SH3KBP1: variants seen among roughly 807,000 people sequenced by gnomAD.
SH3KBP1 encodes the protein SH3 domain containing kinase binding protein 1.
SH3KBP1 carries 8 observed loss-of-function variants against 50.1 expected under a neutral mutation model. The ratio of observed to expected loss-of-function variants is 0.16; its 90% CI spans 0.09 to 0.29. The LOEUF (loss-of-function observed/expected upper bound fraction) is 0.29, where lower values mean the gene tolerates loss of function less well. Among genes scored for constraint, SH3KBP1 ranks in the 10% least tolerant of loss-of-function variants. The pLI, the probability that SH3KBP1 is intolerant of heterozygous loss-of-function variation, is 1.00. For missense variants in SH3KBP1, 377 were observed against 535.2 expected, an observed-to-expected ratio of 0.70 and a Z score of 2.92; for synonymous variants, 227 against 218.6, an observed-to-expected ratio of 1.04 and a Z score of -0.34.
At chrX:19,550,108 A>G in intron 13 of SH3KBP1, 25 bp from the exon 14 acceptor site, 1 of 1,039,449 alleles carries the variant, frequency 9.6e-7, no homozygotes, top group Non-Finnish European at 1.3e-6. Flanking sequence ...AAACAGTTTT[A>G]AGAGCCAAAA....
intron 2 of SH3KBP1, among the ~76,000 whole-genome samples, chrX:19,785,058 T>A (rs1007746867): frequency 3.6e-5 from 4 of 110,639 alleles, no homozygotes; most frequent in African/African-American, 1.3e-4. Flanking sequence ...ATACACAGTA[T>A]CCACCCAGTG....
chrX:19,567,611 CTG>C (rs1302599237), intron 13 of SH3KBP1, among the ~76,000 whole-genome samples: 5 of 77,376 alleles, frequency 6.5e-5, no homozygotes, highest in South Asian at 8.1e-4. Flanking sequence ...ACTAGTAAAA[CTG>C]TGAAAATCTG....
At chrX:19,594,840 A>C in intron 10 of SH3KBP1, 109 bp downstream of exon 10, 1 of 582,049 alleles carries the variant, frequency 1.7e-6, no homozygotes, top group South Asian at 2.8e-5. Context: ...CCAAGTAGTC[A>C]ATCTATGGCA....
chrX:19,536,394 G>A lies in SH3KBP1; in HGVS notation c.*23C>T, dbSNP rs1569256761. 2 of 1,079,794 alleles carry A rather than the reference G, an allele frequency of 1.9e-6. No individual in the cohort carries two copies. Among genetic ancestry groups the A allele is most frequent in the East Asian group, 6.2e-5 (2 of 32,286 alleles). 89.0% of individuals were successfully genotyped at this position (1,079,794 alleles called of 1,213,427 possible). On this transcript the variant is annotated 3_prime_UTR_variant, in exon 18 of 18. Transcript: ENST00000397821. ...GAGTCTCGGACTCAGGATGAATAAT[G>A]TGACATTTCATTGATCAAGTATTCA...
At chrX:19,873,060 A>AAG (rs1385903718) in intron 1 of SH3KBP1, among the ~76,000 whole-genome samples, 1 of 108,575 alleles carries the variant, frequency 9.2e-6, no homozygotes, top group Non-Finnish European at 1.9e-5. Context: ...ATGGATATAA[A>AAG]ATGCCACACT....
intron 6 of SH3KBP1, among the ~76,000 whole-genome samples, chrX:19,668,963 TATA>T (rs1569404948): frequency 1.5e-4 from 8 of 53,873 alleles, no homozygotes; most frequent in African/African-American, 7.7e-4. Context: ...TATATATATA[TATA>T]TATATATATT....
At position 19,592,092 on chromosome X, in the gene SH3KBP1, C is replaced by T; in HGVS notation, c.1113G>A (p.Met371Ile). Reference sequence around the variant, plus strand: ...CTTTTTCTTCTGTTCTGTTTGGAAGCATTTCTGGTCTTTCAGGAGGTATCT... The same window carrying T: ...CTTTTTCTTCTGTTCTGTTTGGAAGTATTTCTGGTCTTTCAGGAGGTATCT... ...IKKIPPERPEMLPNRTEEKER... is the reference protein window; with the variant it reads ...IKKIPPERPEILPNRTEEKER... The change falls in exon 11 of 18, where the codon ATG (methionine) becomes ATA (isoleucine). Residue 371 changes from methionine to isoleucine, a missense_variant. Met to Ile is a conservative substitution (Grantham distance 10). Transcript: ENST00000397821. The T allele has an allele frequency of 8.3e-7, 1 of 1,206,632 alleles. No individual in the cohort carries two copies.
chrX:19,684,357 G>T (rs2063122215), intron 5 of SH3KBP1, among the ~76,000 whole-genome samples: 1 of 111,778 alleles, frequency 8.9e-6, no homozygotes, highest in South Asian at 3.7e-4. Flanking sequence ...CATAGCCTGT[G>T]CAATAGCAAC....
chrX:19,597,991 T>C (rs2066958500), intron 9 of SH3KBP1, among the ~76,000 whole-genome samples: 1 of 112,833 alleles, frequency 8.9e-6, no homozygotes, highest in Non-Finnish European at 1.9e-5. Flanking sequence ...CCATCAGCAC[T>C]TGCTGCTTCA....
intron 14 of SH3KBP1, among the ~76,000 whole-genome samples, chrX:19,549,124 T>G (rs2065169096): frequency 8.9e-6 from 1 of 112,012 alleles, no homozygotes; most frequent in Admixed American, 9.5e-5. Flanking sequence ...CCATGAAATG[T>G]GATGTCAGGG....
intron 7 of SH3KBP1, among the ~76,000 whole-genome samples, chrX:19,634,029 CTG>C (rs1491166182): frequency 1.4e-5 from 1 of 70,091 alleles, no homozygotes; most frequent in Non-Finnish European, 2.7e-5. Context: ...ATTTTGTTCC[CTG>C]GTGTGTGTGT....
Position 19,843,166 on chromosome X carries a change from C to G in SH3KBP1, c.5-6884G>C, listed in dbSNP as rs867890210. ...CCCGAGTAGCTGGGATTACAGGCAC[C>G]TGCCACAACGCCCAGCTAATTTTTG... On this transcript the variant is annotated intron_variant, in intron 1 of 17. Coordinates refer to ENST00000397821, the MANE Select transcript of SH3KBP1 (RefSeq NM_031892.3). 4.6e-3 allele frequency among the ~76,000 whole-genome samples: 491 copies of G among 106,964 alleles called. 2 individuals are homozygous for G. The highest frequency in any genetic ancestry group is 9.6e-3 in the Middle Eastern group (2 of 208). 92.9% of individuals were successfully genotyped at this position (106,964 alleles called of 115,157 possible).
chrX:19,695,489 CA>C, intron 5 of SH3KBP1, 122 bp downstream of exon 5: 6 of 916,204 alleles, frequency 6.5e-6, no homozygotes, highest in Non-Finnish European at 7.6e-6. Context: ...GCAGTATAAC[CA>C]AAAAAATACT....
At chrX:19,871,463 T>C (rs1483348657) in intron 1 of SH3KBP1, among the ~76,000 whole-genome samples, 1 of 112,777 alleles carries the variant, frequency 8.9e-6, no homozygotes, top group Non-Finnish European at 1.9e-5. Context: ...GGATAAAGTA[T>C]ATGGTACATA....
intron 12 of SH3KBP1, among the ~76,000 whole-genome samples, chrX:19,578,826 G>C (rs2066280207): frequency 8.9e-6 from 1 of 111,858 alleles, no homozygotes; most frequent in Non-Finnish European, 1.9e-5. Flanking sequence ...CATCAGGAAA[G>C]GACAAAATGG....
intron 8 of SH3KBP1, among the ~76,000 whole-genome samples, chrX:19,610,305 C>T (rs1477149801): frequency 9.0e-6 from 1 of 111,646 alleles, no homozygotes; most frequent in East Asian, 2.8e-4. Context: ...GATTTATGAA[C>T]AGGAGTGGTG....
intron 12 of SH3KBP1, among the ~76,000 whole-genome samples, chrX:19,586,782 C>T (rs2066581316): frequency 8.9e-6 from 1 of 112,005 alleles, no homozygotes; most frequent in Non-Finnish European, 1.9e-5. Flanking sequence ...ATCGACTGGG[C>T]AGCCAGCCCA....
intron 2 of SH3KBP1, among the ~76,000 whole-genome samples, chrX:19,821,676 C>A (rs911693412): frequency 9.1e-6 from 1 of 110,355 alleles, no homozygotes; most frequent in African/African-American, 3.3e-5. Context: ...CTACAGGCGG[C>A]CGCCACTATG....
intron 6 of SH3KBP1, among the ~76,000 whole-genome samples, chrX:19,653,711 AAT>A (rs758915468): frequency 9.3e-6 from 1 of 107,131 alleles, no homozygotes; most frequent in Non-Finnish European, 1.9e-5. Flanking sequence ...ACTACGTCTG[AAT>A]ATATATATAC....
Sources: allele counts gnomAD v4.1 joint callset (sites outside exome capture counted in the v4.1 genomes callset), GRCh38; gene constraint gnomAD v4.1.1; transcripts MANE v1.5; gene names NCBI Gene and HGNC (gene_info 2026-07-23, HGNC 2026-07-21).